Variants in ZNF407 observed in about 807,000 individuals in gnomAD.
The protein encoded by ZNF407 is zinc finger protein 407.
In ZNF407, 17 loss-of-function variants were observed where a neutral mutation model predicts 131.2. The observed-to-expected ratio is 0.13, with a 90% CI of 0.09 to 0.19. The LOEUF (loss-of-function observed/expected upper bound fraction) is 0.19, where lower values mean the gene tolerates loss of function less well. ZNF407 is among the 10% of genes least tolerant of loss of function. ZNF407 has a pLI of 1.00. For synonymous variants in ZNF407, 1,156 were observed against 1,062.0 expected (o/e 1.09, Z -1.72); for missense variants, 2,681 against 2,830.6 (o/e 0.95, Z 1.20).
At chr18:75,051,054 A>C (rs577284640) in intron 8 of ZNF407, among the ~76,000 whole-genome samples, 1 of 150,462 alleles carries the variant, frequency 6.6e-6, no homozygotes, top group East Asian at 2.0e-4. Flanking sequence ...AGAGCCCTGC[A>C]CTCAAGGAGC....
At chr18:74,630,001 G>A (rs937300946) in intron 1 of ZNF407, among the ~76,000 whole-genome samples, 6 of 151,972 alleles carry the variant, frequency 3.9e-5, no homozygotes, top group African/African-American at 1.5e-4. Flanking sequence ...ATTAGATGAG[G>A]AAATTAATGA....
At chr18:75,024,705 TG>T (rs1180268673) in intron 8 of ZNF407, among the ~76,000 whole-genome samples, 1 of 152,126 alleles carries the variant, frequency 6.6e-6, no homozygotes, top group African/African-American at 2.4e-5. Context: ...TAAAACTGAT[TG>T]AAGTATTTTA....
At position 75,016,455 on chromosome 18, in the gene ZNF407, C is replaced by T. The variant is rs527510492; in HGVS notation, c.5429-46695C>T. ...AGTAATGTTATTGCTATATAATGAG[C>T]GTATTATAAGGTACACTTCAGATGT... On this transcript the variant is annotated intron_variant, in intron 8 of 8. Coordinates refer to ENST00000299687, the MANE Select transcript of ZNF407 (RefSeq NM_017757.3). 2.6e-5 allele frequency among the ~76,000 whole-genome samples: 4 copies of T among 152,110 alleles called. No individual in the cohort carries two copies. In the East Asian group the frequency reaches 5.8e-4, roughly 22 times the overall value.
intron 7 of ZNF407, among the ~76,000 whole-genome samples, chr18:74,907,134 C>T (rs1241578851): frequency 2.6e-5 from 4 of 152,104 alleles, no homozygotes; most frequent in Admixed American, 1.3e-4. Flanking sequence ...ATTAGTCTTT[C>T]CATGTTCATA....
At position 74,772,280 on chromosome 18, in the gene ZNF407, A is replaced by G. The variant is rs531939968; in HGVS notation, c.4803-9148A>G. The stretch of plus-strand genomic sequence containing the variant: ...CTATACATCTGTAACTATAAGCAAT[A>G]TATTATTTGTTGCTTTTTTAAATTA... On this transcript the variant is annotated intron_variant, in intron 3 of 8. Coordinates refer to ENST00000299687, the MANE Select transcript of ZNF407 (RefSeq NM_017757.3). Among the ~76,000 whole-genome samples, 3 of 152,320 alleles carry G rather than the reference A, an allele frequency of 2.0e-5. No homozygotes were observed. In the East Asian group the frequency reaches 5.8e-4, roughly 29 times the overall value.
chr18:74,881,168 G>C, intron 6 of ZNF407, 49 bp downstream of exon 6: 3 of 1,482,216 alleles, frequency 2.0e-6, no homozygotes, highest in Non-Finnish European at 2.7e-6. Context: ...AGGACGGCAA[G>C]ACACCCCAGC....
intron 8 of ZNF407, among the ~76,000 whole-genome samples, chr18:74,921,411 G>A (rs544259196): frequency 1.3e-4 from 20 of 152,308 alleles, no homozygotes; most frequent in Non-Finnish European, 1.8e-4. Context: ...TTATGGGTGC[G>A]AGGACCTCTT....
Position 74,781,557 on chromosome 18 carries a change from G to C in ZNF407, c.4877+55G>C, listed in dbSNP as rs923132300. On this transcript the variant is annotated intron_variant, in intron 4 of 8. Coordinates refer to ENST00000299687, the MANE Select transcript of ZNF407 (RefSeq NM_017757.3). ...AAATACAATTTGATTTTTATTTTAG[G>C]CTTTATTTAATGACATGACTTCTAG... 26 of 1,353,310 alleles carry C rather than the reference G, an allele frequency of 1.9e-5. No individual in the cohort carries two copies. The African/African-American group carries it at 3.0e-4, about 16-fold the overall frequency. 83.8% of individuals were successfully genotyped at this position (1,353,310 alleles called of 1,614,324 possible). A position where few individuals can be genotyped will look rare whatever the true frequency, so the allele number is the denominator to read the frequency against.
At chr18:74,831,511 T>G (rs571233467) in intron 4 of ZNF407, among the ~76,000 whole-genome samples, 1 of 152,226 alleles carries the variant, frequency 6.6e-6, no homozygotes, top group Non-Finnish European at 1.5e-5. Flanking sequence ...TGCAGTCTTA[T>G]AGTATTTGTC....
Position 74,897,189 on chromosome 18 carries a change from A to G in ZNF407, c.5249+7151A>G, listed in dbSNP as rs981342747. ...TTGTTAAATTTTATCTTAAAAAACA[A>G]AACAACCTTGTTTAAGTAAAAGATC... On this transcript the variant is annotated intron_variant, in intron 7 of 8. Coordinates refer to ENST00000299687, the MANE Select transcript of ZNF407 (RefSeq NM_017757.3). 4.5e-4 allele frequency among the ~76,000 whole-genome samples: 69 copies of G among 152,368 alleles called. 1 individual carries two copies. The highest frequency in any genetic ancestry group is 1.5e-3 in the African/African-American group (64 of 41,590).
intron 4 of ZNF407, among the ~76,000 whole-genome samples, chr18:74,876,809 A>T (rs1971163459): frequency 1.3e-5 from 2 of 152,228 alleles, no homozygotes; most frequent in Admixed American, 1.3e-4. Flanking sequence ...TACAAGCCGC[A>T]CACCAGCAGA....
intron 7 of ZNF407, among the ~76,000 whole-genome samples, chr18:74,892,333 A>G (rs995167070): frequency 7.2e-5 from 11 of 152,164 alleles, no homozygotes; most frequent in Admixed American, 2.6e-4. Context: ...CAAACTATCG[A>G]GTGAAATGCC....
At chr18:75,032,934 G>A (rs1170235314) in intron 8 of ZNF407, among the ~76,000 whole-genome samples, 1 of 140,062 alleles carries the variant, frequency 7.1e-6, no homozygotes, top group Non-Finnish European at 1.5e-5. Flanking sequence ...CTCGGAATGG[G>A]GGAAGATAGT....
chr18:74,715,782 A>G (rs1049835491), intron 3 of ZNF407, among the ~76,000 whole-genome samples: 11 of 152,182 alleles, frequency 7.2e-5, no homozygotes, highest in Non-Finnish European at 1.3e-4. Context: ...ATCATTTTGT[A>G]TATGTTATCA....
At chr18:74,721,648 GC>G (rs1968039834) in intron 3 of ZNF407, among the ~76,000 whole-genome samples, 1 of 152,046 alleles carries the variant, frequency 6.6e-6, no homozygotes, top group Non-Finnish European at 1.5e-5. Flanking sequence ...GTCTCTTGTA[GC>G]TAGCACATAC....
intron 4 of ZNF407, among the ~76,000 whole-genome samples, chr18:74,835,416 C>T (rs1970541642): frequency 6.6e-6 from 1 of 152,156 alleles, no homozygotes; most frequent in Admixed American, 6.5e-5. Flanking sequence ...TTGGTCCCCG[C>T]CTCTGAGGGT....
chr18:75,013,796 A>G (rs551910884), intron 8 of ZNF407, among the ~76,000 whole-genome samples: 86 of 152,256 alleles, frequency 5.6e-4, no homozygotes, highest in African/African-American at 1.9e-3. Context: ...AAATTAAGCA[A>G]GTGTACTGCT....
At chr18:74,753,236 A>G (rs1433251604) in intron 3 of ZNF407, among the ~76,000 whole-genome samples, 2 of 152,152 alleles carry the variant, frequency 1.3e-5, no homozygotes, top group Non-Finnish European at 2.9e-5. Flanking sequence ...TTGATTTTGT[A>G]TCCTGAGACT....
rs536316032 is a variant in ZNF407 at position 74,709,993 on chromosome 18, G to T, written c.4802+68871G>T. On this transcript the variant is annotated intron_variant, in intron 3 of 8. Transcript: ENST00000299687. ...TAGTTTAAACAGTATATTTTTAAAA[G>T]AATTTTGACCTGAAAAAAATGTCTG... Among the ~76,000 whole-genome samples the T allele has an allele frequency of 3.3e-5, 5 of 152,138 alleles. No individual in the cohort carries two copies. In the East Asian group the frequency reaches 7.7e-4, roughly 24 times the overall value.
Sources: allele counts gnomAD v4.1 joint callset (sites outside exome capture counted in the v4.1 genomes callset), GRCh38; gene constraint gnomAD v4.1.1; transcripts MANE v1.5; gene names NCBI Gene and HGNC (gene_info 2026-07-23, HGNC 2026-07-21).